Variants in PRRG1 observed in about 807,000 individuals in gnomAD.
The protein encoded by PRRG1 is proline rich and Gla domain 1.
A neutral mutation model predicts 11.8 loss-of-function variants in PRRG1; 5 were observed. The ratio of observed to expected loss-of-function variants is 0.42; its 90% CI spans 0.22 to 0.89. PRRG1 has a LOEUF of 0.89. Among genes scored for constraint, PRRG1 ranks in the 40% least tolerant of loss-of-function variants. The pLI, the probability that PRRG1 is intolerant of heterozygous loss-of-function variation, is 0.28. For synonymous variants in PRRG1, 66 were observed against 60.4 expected, an observed-to-expected ratio of 1.09 and a Z score of -0.43; for missense variants, 155 against 166.1, an observed-to-expected ratio of 0.93 and a Z score of 0.37.
At chrX:37,389,196 C>T (rs1333064342) in intron 1 of PRRG1, among the ~76,000 whole-genome samples, 5 of 111,487 alleles carry the variant, frequency 4.5e-5, no homozygotes, top group Admixed American at 9.5e-5. Context: ...ACCATTCAAC[C>T]AGTCTCTAGG....
chrX:37,453,364 C>A lies in PRRG1; in HGVS notation c.400C>A (p.Pro134Thr), dbSNP rs145751381. Residue 134 changes from proline to threonine, a missense_variant, in exon 4 of 4, where the codon CCA (proline) becomes ACA (threonine). Physicochemically the swap from Pro to Thr is conservative, Grantham distance 38 (BLOSUM62 -1). Coordinates refer to ENST00000378628, the MANE Select transcript of PRRG1 (RefSeq NM_001142395.2). Reference sequence around the variant, plus strand: ...CCTTAATATTATCACCCCACCCCCCCCACCAGATGAAGTGTTTGACAGCAG... The same window carrying A: ...CCTTAATATTATCACCCCACCCCCCACACCAGATGAAGTGTTTGACAGCAG... ...QHLNIITPPP[P>T]PDEVFDSSGL... 3.3e-6 allele frequency: 4 copies of A among 1,209,421 alleles called. No homozygotes were observed. Among genetic ancestry groups the A allele is most frequent in the Admixed American group, 2.2e-5 (1 of 45,819 alleles).
chrX:37,440,164 C>A (rs1932949815), intron 3 of PRRG1, among the ~76,000 whole-genome samples: 1 of 111,779 alleles, frequency 8.9e-6, no homozygotes, highest in South Asian at 3.8e-4. Context: ...GATATTCTTT[C>A]CATCTTTAGA....
At chrX:37,440,854 C>A in intron 3 of PRRG1, 1 of 511,658 alleles carries the variant, frequency 2.0e-6, no homozygotes, top group Middle Eastern at 4.8e-4. Flanking sequence ...GCCTCAACTT[C>A]CTGTGCCCAA....
chrX:37,438,663 C>G (rs1932922644), intron 3 of PRRG1, among the ~76,000 whole-genome samples: 1 of 111,156 alleles, frequency 9.0e-6, no homozygotes, highest in African/African-American at 3.3e-5. Context: ...TCTTGAACTC[C>G]TGACCTCAGG....
At chrX:37,366,911 A>C (rs1309703324) in intron 1 of PRRG1, among the ~76,000 whole-genome samples, 2 of 111,463 alleles carry the variant, frequency 1.8e-5, no homozygotes, top group Non-Finnish European at 3.8e-5. Flanking sequence ...ACACAACTAG[A>C]AGGGCCATAC....
chrX:37,363,545 A>T (rs1556368218), intron 1 of PRRG1, among the ~76,000 whole-genome samples: 1 of 111,932 alleles, frequency 8.9e-6, no homozygotes, highest in Non-Finnish European at 1.9e-5. Flanking sequence ...GAGATCACCT[A>T]CTCAGGTATT....
At chrX:37,431,126 C>G (rs1249560488) in intron 3 of PRRG1, among the ~76,000 whole-genome samples, 1 of 112,283 alleles carries the variant, frequency 8.9e-6, no homozygotes, top group African/African-American at 3.2e-5. Flanking sequence ...TATTGATACA[C>G]CATGGTTTGT....
chrX:37,379,560 AT>A (rs1931088133), intron 1 of PRRG1, among the ~76,000 whole-genome samples: 2 of 111,581 alleles, frequency 1.8e-5, no homozygotes, highest in South Asian at 7.4e-4. Context: ...CACAATTAAA[AT>A]TTATGCATTT....
At chrX:37,365,924 G>A (rs1433971200) in intron 1 of PRRG1, among the ~76,000 whole-genome samples, 2 of 112,068 alleles carry the variant, frequency 1.8e-5, no homozygotes, top group African/African-American at 3.2e-5. Context: ...TGTATTTTGA[G>A]TGATTAATTG....
At chrX:37,429,309 C>G (rs1183119671) in intron 3 of PRRG1, among the ~76,000 whole-genome samples, 1 of 112,050 alleles carries the variant, frequency 8.9e-6, no homozygotes, top group Non-Finnish European at 1.9e-5. Context: ...ATTTTCCAAA[C>G]TTTTATGCTC....
chrX:37,401,161 G>A lies in PRRG1; in HGVS notation c.-41-5048G>A, dbSNP rs1307658604. 3.6e-5 allele frequency among the ~76,000 whole-genome samples: 4 copies of A among 110,585 alleles called. No homozygotes were observed. The East Asian group carries it at 1.1e-3, about 31-fold the overall frequency. On this transcript the variant is annotated intron_variant, in intron 1 of 3. Coordinates refer to ENST00000378628, the MANE Select transcript of PRRG1 (RefSeq NM_001142395.2). ...AGGCCAGTATCATCCTGATACCAAAGCCGGGCAGAGACACAACCAAAAAAG... is the reference window on the plus strand; with the variant it reads ...AGGCCAGTATCATCCTGATACCAAAACCGGGCAGAGACACAACCAAAAAAG...
rs955681689 is a variant in PRRG1 at position 37,446,602 on chromosome X, T to C, written c.172-6534T>C. Among the ~76,000 whole-genome samples the C allele has an allele frequency of 1.1e-4, 12 of 112,125 alleles. No individual in the cohort carries two copies. In the East Asian group the frequency reaches 3.3e-3, roughly 31 times the overall value. Reference sequence around the variant, plus strand: ...TGAAAGATTACCTTCCTTAGGAGTTTTCCATATATCCTTTCTGTCTTCCCG... The same window carrying C: ...TGAAAGATTACCTTCCTTAGGAGTTCTCCATATATCCTTTCTGTCTTCCCG... On this transcript the variant is annotated intron_variant, in intron 3 of 3. Transcript: ENST00000378628.
At chrX:37,374,784 T>C (rs1930884086) in intron 1 of PRRG1, among the ~76,000 whole-genome samples, 1 of 111,542 alleles carries the variant, frequency 9.0e-6, no homozygotes, top group Admixed American at 9.5e-5. Context: ...TCTACTGAGG[T>C]TTTCATGAAT....
intron 1 of PRRG1, among the ~76,000 whole-genome samples, chrX:37,388,259 G>A (rs1556375723): frequency 8.9e-6 from 1 of 112,135 alleles, no homozygotes; most frequent in Non-Finnish European, 1.9e-5. Flanking sequence ...ACCATTCTGG[G>A]GTCTGGAAGA....
intron 2 of PRRG1, among the ~76,000 whole-genome samples, chrX:37,417,509 GT>G (rs1350529709): frequency 8.9e-6 from 1 of 111,757 alleles, no homozygotes; most frequent in African/African-American, 3.2e-5. Context: ...TTCAGAAATA[GT>G]TTAACAATGG....
chrX:37,400,544 T>C (rs1223483615), intron 1 of PRRG1, among the ~76,000 whole-genome samples: 2 of 110,284 alleles, frequency 1.8e-5, no homozygotes, highest in African/African-American at 6.6e-5. Flanking sequence ...AGATCCAAAA[T>C]TGACACACTA....
At chrX:37,364,067 C>G (rs1046478210) in intron 1 of PRRG1, among the ~76,000 whole-genome samples, 1 of 111,216 alleles carries the variant, frequency 9.0e-6, no homozygotes, top group Non-Finnish European at 1.9e-5. Flanking sequence ...ATAAAGACTT[C>G]TGGATCCTGG....
At position 37,456,144 on chromosome X, in the gene PRRG1, A is replaced by C; in HGVS notation, c.*2523A>C. The C allele has an allele frequency of 8.9e-6, 1 of 111,981 alleles. No homozygotes were observed. Among genetic ancestry groups the C allele is most frequent in the Non-Finnish European group, 1.9e-5 (1 of 53,198 alleles). 9.2% of individuals were successfully genotyped at this position (111,981 alleles called of 1,213,427 possible). On this transcript the variant is annotated 3_prime_UTR_variant, in exon 4 of 4. Coordinates refer to ENST00000378628, the MANE Select transcript of PRRG1 (RefSeq NM_001142395.2). Reference sequence around the variant, plus strand: ...ATGTTTAAATAAGTTAATACTTTAAAAATTTTCAGGTTTTTTTAGTATGGT... The same window carrying C: ...ATGTTTAAATAAGTTAATACTTTAACAATTTTCAGGTTTTTTTAGTATGGT...
Position 37,364,050 on chromosome X carries a change from A to G in PRRG1, c.-42+14655A>G, listed in dbSNP as rs186744764. ...TGTTAAATAGTGAAGGAGGCCCTGT[A>G]TTTGGGATAAAGACTTCTGGATCCT... On this transcript the variant is annotated intron_variant, in intron 1 of 3. Transcript: ENST00000378628. 8.1e-5 allele frequency among the ~76,000 whole-genome samples: 9 copies of G among 110,535 alleles called. No individual in the cohort carries two copies. The Admixed American group carries it at 8.7e-4, about 11-fold the overall frequency.
Sources: gnomAD v4.1 joint callset for allele counts (sites outside exome capture counted in the v4.1 genomes callset) on GRCh38, gnomAD v4.1.1 for gene constraint, MANE v1.5 for transcripts, NCBI Gene and HGNC (gene_info 2026-07-23, HGNC 2026-07-21) for gene names.